Variants in LOXHD1 observed in about 807,000 individuals in gnomAD.
LOXHD1 encodes the protein lipoxygenase homology domain-containing protein 1.
Under a neutral mutation model 248.2 loss-of-function variants are expected in LOXHD1, and 205 were observed. That is an observed-to-expected ratio of 0.83 (90% confidence interval 0.74 to 0.93). The LOEUF (loss-of-function observed/expected upper bound fraction) is 0.93, where lower values mean the gene tolerates loss of function less well. Ranked by LOEUF, LOXHD1 falls within the 40% of genes least tolerant of loss-of-function variation. The probability of loss-of-function intolerance (pLI) is 0.00; values close to 1 mark genes in which losing one functional copy is unlikely to be tolerated. For synonymous variants in LOXHD1, 1,113 were observed against 1,162.8 expected (o/e 0.96, Z 0.87); for missense variants, 2,930 against 2,971.6 (o/e 0.99, Z 0.33).
At chr18:46,595,840 C>T (rs2038248808) in intron 8 of LOXHD1, among the ~76,000 whole-genome samples, 1 of 152,144 alleles carries the variant, frequency 6.6e-6, no homozygotes, top group Non-Finnish European at 1.5e-5. Context: ...CTCGTTTACT[C>T]TTGAATTGTT....
intron 37 of LOXHD1, among the ~76,000 whole-genome samples, chr18:46,502,969 G>T (rs2034329702): frequency 6.6e-6 from 1 of 152,138 alleles, no homozygotes; most frequent in Non-Finnish European, 1.5e-5. Context: ...CTATTTCTGA[G>T]ATAGAGGCTA....
intron 6 of LOXHD1, among the ~76,000 whole-genome samples, chr18:46,609,324 T>G (rs919050555): frequency 1.3e-5 from 2 of 152,212 alleles, no homozygotes; most frequent in Admixed American, 6.5e-5. Flanking sequence ...AAATGCAGGA[T>G]GAGCTGAAAA....
At chr18:46,480,247 C>A (rs1313584386) in intron 40 of LOXHD1, among the ~76,000 whole-genome samples, 2 of 152,050 alleles carry the variant, frequency 1.3e-5, no homozygotes, top group African/African-American at 4.8e-5. Context: ...CTTTCTTTCT[C>A]CTTCTCACTT....
chr18:46,612,453 C>T (rs956969675), intron 5 of LOXHD1, among the ~76,000 whole-genome samples: 1 of 152,130 alleles, frequency 6.6e-6, no homozygotes, highest in African/African-American at 2.4e-5. Flanking sequence ...AATTTGCATT[C>T]CCCTGCTTAT....
At chr18:46,560,014 C>T (rs1017749087) in intron 19 of LOXHD1, 69 bp downstream of exon 19, 16 of 1,491,334 alleles carry the variant, frequency 1.1e-5, no homozygotes, top group African/African-American at 1.4e-5. Flanking sequence ...CCCCTGCCCC[C>T]AGTGGGCCCC....
At chr18:46,535,063 C>A (rs1168902294) in intron 26 of LOXHD1, among the ~76,000 whole-genome samples, 1 of 152,202 alleles carries the variant, frequency 6.6e-6, no homozygotes, top group Admixed American at 6.5e-5. Context: ...AAGCCCTTAA[C>A]CTCCCCGAGA....
At chr18:46,609,488 G>T (rs1568215177) in intron 6 of LOXHD1, among the ~76,000 whole-genome samples, 2 of 152,154 alleles carry the variant, frequency 1.3e-5, no homozygotes, top group Admixed American at 1.3e-4. Context: ...TTATAAATCT[G>T]AGTTTTCTAT....
At chr18:46,561,719 G>A (rs2037533860) in intron 18 of LOXHD1, among the ~76,000 whole-genome samples, 1 of 152,196 alleles carries the variant, frequency 6.6e-6, no homozygotes, top group African/African-American at 2.4e-5. Context: ...AACCACCTTT[G>A]CCAGAAAATT....
At chr18:46,491,686 T>C (rs969923128) in intron 37 of LOXHD1, among the ~76,000 whole-genome samples, 6 of 152,232 alleles carry the variant, frequency 3.9e-5, no homozygotes, top group Non-Finnish European at 8.8e-5. Flanking sequence ...TGCTCTACCC[T>C]ACACAGTTTT....
Position 46,639,725 on chromosome 18 carries a change from A to T in LOXHD1, c.402T>A (p.Pro134=). 2 of 1,551,736 alleles carry T rather than the reference A, an allele frequency of 1.3e-6. No homozygotes were observed. The highest frequency in any genetic ancestry group is 8.7e-7 in the Non-Finnish European group (1 of 1,147,012). ...TGCAGTTGAAGTAGTAACGGAGATG[A>T]GGCCTCTTCATGTCGGTCACAATCA... ...DHVIVTDMKR[P]HLRYYFNCNN... is the part of the protein sequence containing the mutation. Residue 134 remains proline, a synonymous_variant, in exon 4 of 41, where the codon CCT becomes CCA. Transcript: ENST00000642948.
intron 5 of LOXHD1, among the ~76,000 whole-genome samples, chr18:46,617,298 A>G (rs1349113112): frequency 6.6e-6 from 1 of 152,184 alleles, no homozygotes; most frequent in Admixed American, 6.5e-5. Flanking sequence ...CTATTTTTTC[A>G]CTGAAGATGC....
intron 13 of LOXHD1, among the ~76,000 whole-genome samples, chr18:46,579,330 T>C (rs1032880923): frequency 3.9e-5 from 6 of 152,132 alleles, no homozygotes; most frequent in African/African-American, 1.4e-4. Context: ...CCATAATCCC[T>C]CTAAGGTGGC....
At chr18:46,607,572 A>G (rs547914709) in intron 6 of LOXHD1, among the ~76,000 whole-genome samples, 1 of 151,970 alleles carries the variant, frequency 6.6e-6, no homozygotes, top group South Asian at 2.1e-4. Context: ...TGGTAAAATT[A>G]TGAGTGGTTT....
At chr18:46,548,896 C>T (rs2036965562) in intron 21 of LOXHD1, among the ~76,000 whole-genome samples, 1 of 152,200 alleles carries the variant, frequency 6.6e-6, no homozygotes, top group Non-Finnish European at 1.5e-5. Flanking sequence ...CCTTGAGATA[C>T]TTGCATCATG....
intron 37 of LOXHD1, among the ~76,000 whole-genome samples, chr18:46,501,204 T>A (rs1351298588): frequency 6.6e-6 from 1 of 152,254 alleles, no homozygotes; most frequent in Non-Finnish European, 1.5e-5. Flanking sequence ...AAATTAATAC[T>A]CATGTGGTCA....
chr18:46,605,109 T>C (rs1288426094), intron 6 of LOXHD1, among the ~76,000 whole-genome samples: 3 of 152,240 alleles, frequency 2.0e-5, no homozygotes, highest in Non-Finnish European at 4.4e-5. Context: ...AAGACTATAC[T>C]GTAAAAAACA....
intron 14 of LOXHD1, among the ~76,000 whole-genome samples, 186 bp downstream of exon 14, chr18:46,577,505 TGTTCATCACGGTGGTA>T (rs530933014): frequency 9.8e-4 from 149 of 152,292 alleles, no homozygotes; most frequent in South Asian, 2.7e-3. Flanking sequence ...ACCACAGTGG[TGTTCATCACGGTGGTA>T]GGGGGTGAGA....
At chr18:46,597,475 A>G (rs1006827420) in intron 8 of LOXHD1, among the ~76,000 whole-genome samples, 1 of 152,136 alleles carries the variant, frequency 6.6e-6, no homozygotes, top group Admixed American at 6.6e-5. Flanking sequence ...AACTATATAA[A>G]GCAAAAATTG....
At position 46,535,092 on chromosome 18, in the gene LOXHD1, A is replaced by G. The variant is rs990361070; in HGVS notation, c.4096-641T>C. Among the ~76,000 whole-genome samples the G allele has an allele frequency of 7.9e-5, 12 of 152,236 alleles. No homozygotes were observed. In the South Asian group the frequency reaches 2.1e-3, roughly 26 times the overall value. On this transcript the variant is annotated intron_variant, in intron 26 of 40. Coordinates refer to ENST00000642948, the MANE Select transcript of LOXHD1 (RefSeq NM_001384474.1). ...CCCGAGAAAGTTAATTTTCTTCATGACAGGCTCTTGTTGCATAGTGGAGCC... is the reference window on the plus strand; with the variant it reads ...CCCGAGAAAGTTAATTTTCTTCATGGCAGGCTCTTGTTGCATAGTGGAGCC...
Sources: allele counts gnomAD v4.1 joint callset (sites outside exome capture counted in the v4.1 genomes callset), GRCh38; gene constraint gnomAD v4.1.1; transcripts MANE v1.5; gene names NCBI Gene and HGNC (gene_info 2026-07-23, HGNC 2026-07-21).